EGFLAM: variants seen among roughly 807,000 people sequenced by gnomAD.
EGFLAM encodes pikachurin.
EGFLAM carries 79 observed loss-of-function variants against 113.1 expected under a neutral mutation model. The ratio of observed to expected loss-of-function variants is 0.70; its 90% CI spans 0.58 to 0.84. EGFLAM has a LOEUF of 0.84. EGFLAM is among the 40% of genes least tolerant of loss of function. The pLI is 0.00. For synonymous variants in EGFLAM, 504 were observed against 487.6 expected (o/e 1.03, Z -0.44); for missense variants, 1,265 against 1,291.6 (o/e 0.98, Z 0.32).
rs79553826 is a variant in EGFLAM at position 38,286,769 on chromosome 5, A to G, written c.97+27918A>G. Among the ~76,000 whole-genome samples, 66 of 152,372 alleles carry G rather than the reference A, an allele frequency of 4.3e-4. 1 individual carries two copies. The East Asian group carries it at 9.8e-3, about 23-fold the overall frequency. Reference sequence around the variant, plus strand: ...ACTTTGCCATCGGCACCATCTTGCTATAGTTTACACAGATTATAAAATAGT... The same window carrying G: ...ACTTTGCCATCGGCACCATCTTGCTGTAGTTTACACAGATTATAAAATAGT... On this transcript the variant is annotated intron_variant, in intron 1 of 21. Coordinates refer to ENST00000322350, the MANE Select transcript of EGFLAM (RefSeq NM_152403.4).
intron 19 of EGFLAM, among the ~76,000 whole-genome samples, chr5:38,452,818 T>C (rs78615045): frequency 2.6e-4 from 39 of 152,348 alleles, no homozygotes; most frequent in Non-Finnish European, 3.2e-4. Flanking sequence ...CTTCCCTCTT[T>C]TAAGTGAATT....
chr5:38,336,278 A>C (rs1298111375), intron 1 of EGFLAM, among the ~76,000 whole-genome samples: 2 of 152,192 alleles, frequency 1.3e-5, no homozygotes, highest in African/African-American at 4.8e-5. Context: ...ACAATTTAAA[A>C]ATTACATACA....
intron 6 of EGFLAM, among the ~76,000 whole-genome samples, chr5:38,393,969 C>A (rs774865948): frequency 1.3e-5 from 2 of 152,096 alleles, no homozygotes; most frequent in Non-Finnish European, 1.5e-5. Flanking sequence ...TGGCTCTCAG[C>A]GGAAAGGGAG....
chr5:38,418,296 TTA>T, intron 12 of EGFLAM, 41 bp downstream of exon 12: 1 of 1,602,940 alleles, frequency 6.2e-7, no homozygotes, highest in Non-Finnish European at 8.5e-7. Context: ...CTTATGGGAC[TTA>T]TGTCTTATGG....
intron 1 of EGFLAM, among the ~76,000 whole-genome samples, chr5:38,315,744 G>A (rs376380784): frequency 6.6e-6 from 1 of 152,126 alleles, no homozygotes; most frequent in Non-Finnish European, 1.5e-5. Flanking sequence ...TGTACAATGG[G>A]CTTCTTGTGA....
At chr5:38,289,280 C>A (rs12055260) in intron 1 of EGFLAM, among the ~76,000 whole-genome samples, 39,364 of 150,282 alleles carry the variant, frequency 0.26, 5,693 homozygotes, top group African/African-American at 0.38. Context: ...TCCCCGCCCC[C>A]ACATTTCAGT....
rs759530345 is a variant in EGFLAM at position 38,435,194 on chromosome 5, TATG to T, written c.2231_2233del (p.Asp744del). On this transcript the variant is annotated inframe_deletion, in exon 16 of 22. Transcript: ENST00000322350. ...CATTTTCATTGGCGGAGTCCCCAAT[TATG>T]ATGATGTGAAGAAGAACTCGGGTGT... 2 of 1,614,102 alleles carry T rather than the reference TATG, an allele frequency of 1.2e-6. No homozygotes were observed. The highest frequency in any genetic ancestry group is 2.2e-5 in the South Asian group (2 of 91,072).
chr5:38,280,561 T>G (rs1356629321), intron 1 of EGFLAM, among the ~76,000 whole-genome samples: 1 of 152,166 alleles, frequency 6.6e-6, no homozygotes, highest in Non-Finnish European at 1.5e-5. Flanking sequence ...TCTCTACAAC[T>G]ACATACAGCC....
rs1248712405 is a variant in EGFLAM, at chr5:38,427,243, G to T, written c.2045G>T (p.Gly682Val). The T allele has an allele frequency of 6.2e-7, 1 of 1,613,906 alleles. No individual in the cohort carries two copies. Among genetic ancestry groups the T allele is most frequent in the Non-Finnish European group, 8.5e-7 (1 of 1,179,906 alleles). ...EFRFDCGSGT[G>V]VLRSEDPLTL... is the part of the protein sequence containing the mutation. ...CGCTTTGACTGTGGCTCTGGGACCG[G>T]TGTCCTCAGGTGAGGGCTGAAAACT... Residue 682 changes from glycine (G) to valine (V), a missense_variant, in exon 14 of 22, where the codon GGT (glycine) becomes GTT (valine). Gly to Val is a moderately radical substitution (Grantham distance 109). Transcript: ENST00000322350.
chr5:38,449,773 T>C (rs763147788), intron 18 of EGFLAM, among the ~76,000 whole-genome samples: 69 of 152,240 alleles, frequency 4.5e-4, no homozygotes, highest in Non-Finnish European at 4.9e-4. Context: ...TCAGATATCT[T>C]TGGTGCCAAG....
At chr5:38,298,353 A>G (rs570135863) in intron 1 of EGFLAM, among the ~76,000 whole-genome samples, 1 of 152,292 alleles carries the variant, frequency 6.6e-6, no homozygotes, top group East Asian at 1.9e-4. Context: ...ATTAGGAAAG[A>G]TGTAAAACAT....
At position 38,266,939 on chromosome 5, in the gene EGFLAM, C is replaced by T. The variant is rs565535403; in HGVS notation, c.97+8088C>T. 1.7e-4 allele frequency among the ~76,000 whole-genome samples: 26 copies of T among 152,280 alleles called. No individual in the cohort carries two copies. The South Asian group carries it at 5.0e-3, about 29-fold the overall frequency. On this transcript the variant is annotated intron_variant, in intron 1 of 21. Transcript: ENST00000322350. ...GACATGGAAAAATAGACCGGGCTCA[C>T]TCAGTCCATTTCCTATTGATGTTTC... is the stretch of plus-strand genomic sequence containing the variant.
chr5:38,333,420 A>G lies in EGFLAM; in HGVS notation c.98-4100A>G, dbSNP rs141440642. ...TAAGCTAATTTATACTCCCACCAAC[A>G]GCGTATAAGAGTTCCCTTTTCTCCA... On this transcript the variant is annotated intron_variant, in intron 1 of 21. Transcript: ENST00000322350. Among the ~76,000 whole-genome samples the G allele has an allele frequency of 6.2e-3, 940 of 152,336 alleles. 11 individuals carry two copies. The highest frequency in any genetic ancestry group is 0.021 in the African/African-American group (873 of 41,576).
At chr5:38,429,403 G>C (rs1296643103) in intron 14 of EGFLAM, among the ~76,000 whole-genome samples, 1 of 152,208 alleles carries the variant, frequency 6.6e-6, no homozygotes, top group Admixed American at 6.5e-5. Flanking sequence ...AAGTGAGGGG[G>C]TGGTGACCTT....
rs149673843 is a variant in EGFLAM at position 38,276,796 on chromosome 5, C to T, written c.97+17945C>T. ...AGAGACTCCTATAAATAATTATACA[C>T]CAACAAATTGGACAATCTAGAAAAA... is the stretch of plus-strand genomic sequence containing the variant. On this transcript the variant is annotated intron_variant, in intron 1 of 21. Coordinates refer to ENST00000322350, the MANE Select transcript of EGFLAM (RefSeq NM_152403.4). Among the ~76,000 whole-genome samples the T allele has an allele frequency of 3.6e-4, 54 of 152,100 alleles. 1 individual carries two copies. Among genetic ancestry groups the T allele is most frequent in the African/African-American group, 1.2e-3 (49 of 41,504 alleles).
rs866804830 is a variant in EGFLAM at position 38,310,706 on chromosome 5, G to T, written c.98-26814G>T. On this transcript the variant is annotated intron_variant, in intron 1 of 21. Transcript: ENST00000322350. ...ATATGTACCCTTGTGGCTTGAATTT[G>T]CAGGCGATTTTTGAACATAACACAA... 1.2e-4 allele frequency among the ~76,000 whole-genome samples: 18 copies of T among 152,016 alleles called. No homozygotes were observed. The South Asian group carries it at 2.9e-3, about 24-fold the overall frequency.
At chr5:38,448,447 C>A in intron 18 of EGFLAM, 68 bp downstream of exon 18, 1 of 1,506,180 alleles carries the variant, frequency 6.6e-7, no homozygotes, top group Non-Finnish European at 9.2e-7. Context: ...TTTCTCAGGG[C>A]TTTTTCTTAT....
intron 12 of EGFLAM, among the ~76,000 whole-genome samples, chr5:38,418,794 G>A (rs1356444149): frequency 1.3e-5 from 2 of 152,164 alleles, no homozygotes. Context: ...GCTTGCAGAA[G>A]TTAAATAACT....
chr5:38,335,799 G>T (rs72740320), intron 1 of EGFLAM, among the ~76,000 whole-genome samples: 165 of 152,262 alleles, frequency 1.1e-3, no homozygotes, highest in Non-Finnish European at 1.6e-3. Flanking sequence ...TAAAAACATT[G>T]ATGACAAGCC....
Sources: allele counts gnomAD v4.1 joint callset (sites outside exome capture counted in the v4.1 genomes callset), GRCh38; gene constraint gnomAD v4.1.1; transcripts MANE v1.5; gene names NCBI Gene and HGNC (gene_info 2026-07-23, HGNC 2026-07-21).